Variants in ALB observed in about 807,000 individuals in gnomAD.
ALB encodes albumin.
In ALB, 37 loss-of-function variants were observed where a neutral mutation model predicts 74.5. The observed-to-expected ratio is 0.50, with a 90% CI of 0.38 to 0.65. The LOEUF is 0.65. Among genes scored for constraint, ALB ranks in the 30% least tolerant of loss-of-function variants. ALB has a pLI of 0.00. For synonymous variants in ALB, 249 were observed against 251.6 expected (o/e 0.99, Z 0.10); for missense variants, 685 against 718.7 (o/e 0.95, Z 0.54).
chr4:73,410,316 A>G lies in ALB; in HGVS notation c.620A>G (p.Asp207Gly). 1 of 1,613,474 alleles carries G rather than the reference A, an allele frequency of 6.2e-7. No homozygotes were observed. Among genetic ancestry groups the G allele is most frequent in the Non-Finnish European group, 8.5e-7 (1 of 1,179,446 alleles). ...TCAAATTATTCCTTTTTGTAGCTCG[A>G]TGAACTTCGGGATGAAGGGAAGGCT... The part of the protein sequence containing the change: ...DKAACLLPKL[D>G]ELRDEGKASS... Residue 207 changes from aspartate (D) to glycine (G), a missense_variant, in exon 6 of 15, where the codon GAT becomes GGT. Physicochemically the swap from Asp to Gly is moderately conservative, Grantham distance 94. Coordinates refer to ENST00000295897, the MANE Select transcript of ALB (RefSeq NM_000477.7).
rs2149330401 is a variant in ALB, at chr4:73,421,461, C to A, written c.*393C>A. 5.6e-6 allele frequency: 1 copy of A among 177,642 alleles called. No homozygotes were observed. Among genetic ancestry groups the A allele is most frequent in the South Asian group, 2.0e-4 (1 of 5,010 alleles). The allele number at this position is 177,642 out of a possible 1,614,324, so 11.0% of individuals were successfully genotyped here. ...ATAATATTTTGACATTATGATAATT[C>A]TGAATAAAAGAACAAAAACCATGGT... On this transcript the variant is annotated 3_prime_UTR_variant, in exon 15 of 15. Coordinates refer to ENST00000295897, the MANE Select transcript of ALB (RefSeq NM_000477.7).
intron 2 of ALB, 42 bp from the exon 3 acceptor site, chr4:73,406,587 A>G (rs780979109): frequency 1.2e-6 from 2 of 1,605,326 alleles, no homozygotes; most frequent in Non-Finnish European, 1.7e-6. Context: ...GTTACATATT[A>G]AAGTTTTATT....
intron 3 of ALB, 25 bp from the exon 4 acceptor site, chr4:73,408,569 C>A (rs1474911656): frequency 1.9e-6 from 3 of 1,607,122 alleles, no homozygotes; most frequent in Non-Finnish European, 2.6e-6. Context: ...TGTCCAGCAA[C>A]TGAAACCTGC....
At position 73,414,502 on chromosome 4, in the gene ALB, T is replaced by C. The variant is rs564675381; in HGVS notation, c.1059-533T>C. 2.6e-5 allele frequency among the ~76,000 whole-genome samples: 4 copies of C among 152,324 alleles called. No individual in the cohort carries two copies. The South Asian group carries it at 6.2e-4, about 24-fold the overall frequency. ...TTTTGAGACAGAGTTTTACTCTTGTTGCCCAGGCTGGAGTGCAATGGTGCC... is the reference window on the plus strand; with the variant it reads ...TTTTGAGACAGAGTTTTACTCTTGTCGCCCAGGCTGGAGTGCAATGGTGCC... On this transcript the variant is annotated intron_variant, in intron 8 of 14. Transcript: ENST00000295897.
At chr4:73,418,918 C>T (rs1000236315) in intron 12 of ALB, among the ~76,000 whole-genome samples, 21 of 152,092 alleles carry the variant, frequency 1.4e-4, no homozygotes, top group African/African-American at 4.8e-4. Context: ...ACAAATCTCT[C>T]CCTGGCATTG....
rs1050311648 is a variant in ALB, at chr4:73,420,134, T to G, written c.1786-120T>G. 66 of 867,066 alleles carry G rather than the reference T, an allele frequency of 7.6e-5. 1 individual carries two copies. The African/African-American group carries it at 1.0e-3, about 14-fold the overall frequency. 53.7% of individuals were successfully genotyped at this position (867,066 alleles called of 1,614,324 possible). On this transcript the variant is annotated intron_variant, in intron 13 of 14. Coordinates refer to ENST00000295897, the MANE Select transcript of ALB (RefSeq NM_000477.7). Reference sequence around the variant, plus strand: ...CAGAGATTATAGTAGTAAATTGTAATTAAAGGATATGATGCACGTGAAATC... The same window carrying G: ...CAGAGATTATAGTAGTAAATTGTAAGTAAAGGATATGATGCACGTGAAATC...
chr4:73,407,615 A>G (rs1718766508), intron 3 of ALB, among the ~76,000 whole-genome samples: 1 of 152,176 alleles, frequency 6.6e-6, no homozygotes. Context: ...CATGGTTTTT[A>G]TCATCAGAAA....
At chr4:73,417,938 T>A (rs924294910) in intron 11 of ALB, 150 bp from the exon 12 acceptor site, 2 of 799,986 alleles carry the variant, frequency 2.5e-6, no homozygotes. Flanking sequence ...AACCTCCGCC[T>A]CCCAGGTTCA....
intron 9 of ALB, 171 bp downstream of exon 9, chr4:73,415,338 T>G (rs1718986934): frequency 2.5e-6 from 2 of 787,158 alleles, no homozygotes; most frequent in Admixed American, 5.1e-5. Context: ...TTAGAATGAT[T>G]AACAAAATTT....
chr4:73,404,486 T>C lies in ALB; in HGVS notation c.79+80T>C, dbSNP rs573310978. On this transcript the variant is annotated intron_variant, in intron 1 of 14. Transcript: ENST00000295897. ...AAAGTTTTAGTAAACTCTGCATCTT[T>C]AAAGAATTATTTTGGCATTTATTTC... The C allele has an allele frequency of 1.3e-5, 16 of 1,212,528 alleles. No individual in the cohort carries two copies. In the South Asian group the frequency reaches 1.8e-4, roughly 14 times the overall value. 75.1% of individuals were successfully genotyped at this position (1,212,528 alleles called of 1,614,324 possible).
chr4:73,420,467 C>A (rs1020627975), intron 14 of ALB, 146 bp downstream of exon 14: 7 of 508,710 alleles, frequency 1.4e-5, no homozygotes, highest in Non-Finnish European at 2.4e-5. Context: ...TTTTAAAATT[C>A]TCAAAATAGT....
chr4:73,416,159 G>A, intron 9 of ALB, 97 bp from the exon 10 acceptor site: 1 of 861,886 alleles, frequency 1.2e-6, no homozygotes, highest in East Asian at 2.6e-5. Context: ...CTTTGAGTAG[G>A]AAGAAGAAAG....
rs531624238 is a variant in ALB at position 73,413,642 on chromosome 4, G to A, written c.1058+8G>A. On this transcript the variant is annotated splice_region_variant and intron_variant, in intron 8 of 14. Coordinates refer to ENST00000295897, the MANE Select transcript of ALB (RefSeq NM_000477.7). The stretch of plus-strand genomic sequence containing the variant: ...GGATGTCTTCCTGGGCATGTAAGTA[G>A]ATAAGAAATTATTCTTTTATAGCTT... 215 of 1,613,472 alleles carry A rather than the reference G, an allele frequency of 1.3e-4. 1 individual carries two copies. In the South Asian group the frequency reaches 2.2e-3, roughly 16 times the overall value.
rs898245331 is a variant in ALB at position 73,416,286 on chromosome 4, C to T, written c.1222C>T (p.Pro408Ser). The T allele has an allele frequency of 1.4e-5, 23 of 1,613,390 alleles. No individual in the cohort carries two copies. Among genetic ancestry groups the T allele is most frequent in the Non-Finnish European group, 1.9e-5 (23 of 1,179,666 alleles). Residue 408 changes from proline to serine, a missense_variant, in exon 10 of 15, where the codon CCT becomes TCT. Physicochemically the swap from Pro to Ser is moderately conservative, Grantham distance 74 (BLOSUM62 -1). Transcript: ENST00000295897. ...TGAATTTAAACCTCTTGTGGAAGAG[C>T]CTCAGAATTTAATCAAACAAAATTG... The part of the protein sequence containing the change: ...FDEFKPLVEE[P>S]QNLIKQNCEL...
chr4:73,406,567 G>A (rs1037295127), intron 2 of ALB, 62 bp from the exon 3 acceptor site: 44 of 1,523,074 alleles, frequency 2.9e-5, no homozygotes, highest in East Asian at 1.1e-4. Context: ...GTTCTCTAGC[G>A]TAGCAACCTG....
intron 1 of ALB, 76 bp from the exon 2 acceptor site, chr4:73,405,040 G>A: frequency 7.1e-7 from 1 of 1,405,044 alleles, no homozygotes. Flanking sequence ...CAAATGGAAA[G>A]AAATATAAAA....
intron 1 of ALB, among the ~76,000 whole-genome samples, chr4:73,404,643 G>A (rs1008777330): frequency 6.6e-6 from 1 of 151,514 alleles, no homozygotes; most frequent in African/African-American, 2.4e-5. Context: ...GCGCACTAAG[G>A]AAAGTGCAAA....
intron 2 of ALB, 67 bp from the exon 3 acceptor site, chr4:73,406,562 C>T: frequency 6.7e-7 from 1 of 1,488,582 alleles, no homozygotes; most frequent in Non-Finnish European, 9.3e-7. Context: ...GATTTGTTCT[C>T]TAGCGTAGCA....
At position 73,408,810 on chromosome 4, in the gene ALB, G is replaced by A. The variant is rs1718797944; in HGVS notation, c.482+5G>A. ...TGAAGAGACATTTTTGAAAAAGTAA[G>A]TAATCAGATGTTTATAGTTCAAAAT... is the stretch of plus-strand genomic sequence containing the variant. On this transcript the variant is annotated splice_donor_5th_base_variant and intron_variant, in intron 4 of 14. Coordinates refer to ENST00000295897, the MANE Select transcript of ALB (RefSeq NM_000477.7). The A allele has an allele frequency of 6.2e-7, 1 of 1,610,608 alleles. No individual in the cohort carries two copies. Among genetic ancestry groups the A allele is most frequent in the African/African-American group, 1.3e-5 (1 of 74,810 alleles).
Sources: allele counts gnomAD v4.1 joint callset (sites outside exome capture counted in the v4.1 genomes callset), GRCh38; gene constraint gnomAD v4.1.1; transcripts MANE v1.5; gene names NCBI Gene and HGNC (gene_info 2026-07-23, HGNC 2026-07-21).